The following AZGP1 variants were observed in gnomAD, a reference collection of about 807,000 sequenced individuals.
AZGP1 encodes the protein zinc-alpha-2-glycoprotein.
AZGP1 carries 28 observed loss-of-function variants against 31.5 expected under a neutral mutation model. The ratio of observed to expected loss-of-function variants is 0.89; its 90% CI spans 0.66 to 1.22. The LOEUF (loss-of-function observed/expected upper bound fraction) is 1.22, where lower values mean the gene tolerates loss of function less well. AZGP1 is among the 50% of genes most tolerant of loss of function. The probability of loss-of-function intolerance (pLI) is 0.00; values close to 1 mark genes in which losing one functional copy is unlikely to be tolerated. For missense variants in AZGP1, 361 were observed against 371.8 expected (o/e 0.97, Z 0.24); for synonymous variants, 135 against 145.4 (o/e 0.93, Z 0.51).
At chr7:99,968,573 TAGGTTA>T in intron 2 of AZGP1, 143 bp from the exon 3 acceptor site, 1 of 1,041,966 alleles carries the variant, frequency 9.6e-7, no homozygotes, top group Non-Finnish European at 1.4e-6. Flanking sequence ...TCAAGACAAA[TAGGTTA>T]TTACTCCAAT....
At chr7:99,975,895 C>T in intron 1 of AZGP1, 50 bp downstream of exon 1, 3 of 1,599,692 alleles carry the variant, frequency 1.9e-6, no homozygotes, top group Non-Finnish European at 2.6e-6. Context: ...TCCTGTTCCT[C>T]ACCTCCTTCC....
Position 99,971,775 on chromosome 7 carries a change from T to G in AZGP1, c.308A>C (p.Asp103Ala). Residue 103 changes from aspartate to alanine, a missense_variant, in exon 2 of 4, where the codon GAC (aspartate) becomes GCC (alanine). Physicochemically the swap from Asp to Ala is moderately radical, Grantham distance 126. Transcript: ENST00000292401. ...REDIFMETLK[D>A]IVEYYNDSNG... ...ACTGTCGTTGTAATACTCCACGATGTCTTTCAGGGTCTCCATAAAGATGTC... is the reference window on the plus strand; with the variant it reads ...ACTGTCGTTGTAATACTCCACGATGGCTTTCAGGGTCTCCATAAAGATGTC... 1.9e-6 allele frequency: 3 copies of G among 1,614,058 alleles called. No individual in the cohort carries two copies. Among genetic ancestry groups the G allele is most frequent in the Non-Finnish European group, 2.5e-6 (3 of 1,179,994 alleles).
intron 1 of AZGP1, among the ~76,000 whole-genome samples, chr7:99,973,421 C>T (rs189717966): frequency 4.7e-4 from 72 of 152,128 alleles, no homozygotes; most frequent in African/African-American, 1.6e-3. Flanking sequence ...TATTCTTGCT[C>T]CTGAGTGTCT....
intron 1 of AZGP1, among the ~76,000 whole-genome samples, chr7:99,973,404 C>T (rs1031414915): frequency 2.0e-5 from 3 of 152,068 alleles, no homozygotes; most frequent in Admixed American, 6.6e-5. Flanking sequence ...AGTTCAATTA[C>T]TAAAATTATT....
intron 1 of AZGP1, among the ~76,000 whole-genome samples, chr7:99,975,302 T>A (rs1232692770): frequency 6.6e-6 from 1 of 151,762 alleles, no homozygotes; most frequent in East Asian, 1.9e-4. Context: ...TTTGTAAATG[T>A]CATGAATTTT....
chr7:99,968,533 T>G, intron 2 of AZGP1, 103 bp from the exon 3 acceptor site: 1 of 1,436,292 alleles, frequency 7.0e-7, no homozygotes, highest in Non-Finnish European at 9.5e-7. Flanking sequence ...GAAATAAAGG[T>G]TTTTGCAATT....
In AZGP1 at chr7:99,971,771, G is replaced by A. The variant is rs4215; in HGVS notation, c.312C>T (p.Ile104=). ...EDIFMETLKD[I]VEYYNDSNGS... Reference sequence around the variant, plus strand: ...CGTTACTGTCGTTGTAATACTCCACGATGTCTTTCAGGGTCTCCATAAAGA... The same window carrying A: ...CGTTACTGTCGTTGTAATACTCCACAATGTCTTTCAGGGTCTCCATAAAGA... The change falls in exon 2 of 4, where the codon ATC becomes ATT. Residue 104 remains isoleucine, a synonymous_variant. Transcript: ENST00000292401. The A allele has an allele frequency of 0.39, 630,455 of 1,613,272 alleles. 128,272 individuals carry two copies. The highest frequency in any genetic ancestry group is 0.64 in the East Asian group (28,631 of 44,844).
chr7:99,968,687 G>A (rs1193759664), intron 2 of AZGP1: 6 of 502,130 alleles, frequency 1.2e-5, no homozygotes, highest in Non-Finnish European at 2.1e-5. Context: ...TACAGCCTGG[G>A]CGCTGTGGCT....
At chr7:99,972,990 G>C (rs961821004) in intron 1 of AZGP1, among the ~76,000 whole-genome samples, 1 of 152,028 alleles carries the variant, frequency 6.6e-6, no homozygotes, top group Non-Finnish European at 1.5e-5. Flanking sequence ...GGTGGCGGGT[G>C]CCTGTAGTCC....
intron 2 of AZGP1, among the ~76,000 whole-genome samples, chr7:99,971,364 G>C (rs149834627): frequency 6.6e-6 from 1 of 152,216 alleles, no homozygotes; most frequent in African/African-American, 2.4e-5. Context: ...GTGAGCCCAG[G>C]TCTGAGTGAC....
In AZGP1 at chr7:99,971,793, A is replaced by T; in HGVS notation, c.290T>A (p.Phe97Tyr). Residue 97 changes from phenylalanine (F) to tyrosine (Y), a missense_variant, in exon 2 of 4, where the codon TTT becomes TAT. Coordinates refer to ENST00000292401, the MANE Select transcript of AZGP1 (RefSeq NM_001185.4). ...CACGATGTCTTTCAGGGTCTCCATAAAGATGTCCTCCCTGGCCTTCTGAAG... is the reference window on the plus strand; with the variant it reads ...CACGATGTCTTTCAGGGTCTCCATATAGATGTCCTCCCTGGCCTTCTGAAG... ...SQLQKAREDI[F>Y]METLKDIVEY... The T allele has an allele frequency of 6.2e-7, 1 of 1,613,932 alleles. No homozygotes were observed. Among genetic ancestry groups the T allele is most frequent in the Non-Finnish European group, 8.5e-7 (1 of 1,179,954 alleles).
chr7:99,967,371 C>A, intron 3 of AZGP1, 85 bp from the exon 4 acceptor site: 1 of 1,437,162 alleles, frequency 7.0e-7, no homozygotes, highest in Non-Finnish European at 9.4e-7. Flanking sequence ...CCCTGGATGT[C>A]AGCGATCAGC....
intron 1 of AZGP1, among the ~76,000 whole-genome samples, chr7:99,972,732 T>C (rs2115687201): frequency 6.6e-6 from 1 of 152,232 alleles, no homozygotes; most frequent in Non-Finnish European, 1.5e-5. Context: ...GAAAATCACT[T>C]GAACCAGAGA....
chr7:99,971,550 G>C (rs1789577464), intron 2 of AZGP1, 196 bp downstream of exon 2: 8 of 649,746 alleles, frequency 1.2e-5, no homozygotes, highest in South Asian at 2.0e-5. Context: ...GATGAGGATG[G>C]GGCAATTGAT....
rs1286463865 is a variant in AZGP1, at chr7:99,967,388, C to G, written c.614-102G>C. On this transcript the variant is annotated intron_variant, in intron 3 of 3. Transcript: ENST00000292401. Reference sequence around the variant, plus strand: ...CTGGATGTCAGCGATCAGCAGAGCTCGAAGCTCTGTACCTGCCCACCCCCA... The same window carrying G: ...CTGGATGTCAGCGATCAGCAGAGCTGGAAGCTCTGTACCTGCCCACCCCCA... 2.2e-6 allele frequency: 3 copies of G among 1,342,382 alleles called. No homozygotes were observed. The African/African-American group carries it at 4.4e-5, about 20-fold the overall frequency. 83.2% of individuals were successfully genotyped at this position (1,342,382 alleles called of 1,614,324 possible). A position where few individuals can be genotyped will look rare whatever the true frequency, so the allele number is the denominator to read the frequency against.
chr7:99,968,197 G>C lies in AZGP1; in HGVS notation c.571C>G (p.Arg191Gly), dbSNP rs370476332. 7 of 1,613,810 alleles carry C rather than the reference G, an allele frequency of 4.3e-6. No homozygotes were observed. The highest frequency in any genetic ancestry group is 5.9e-6 in the Non-Finnish European group (7 of 1,179,998). The change falls in exon 3 of 4, where the codon CGG (arginine) becomes GGG (glycine). Residue 191 changes from arginine to glycine, a missense_variant. Arg to Gly is a moderately radical substitution (Grantham distance 125). Transcript: ENST00000292401. Reference sequence around the variant, plus strand: ...TTTTTGCTGTATTTCAGGTATTTCCGCAGAGTCGCAGGGCACTCCTCCTCC... The same window carrying C: ...TTTTTGCTGTATTTCAGGTATTTCCCCAGAGTCGCAGGGCACTCCTCCTCC... The part of the protein sequence containing the change: ...YLEEECPATL[R>G]KYLKYSKNIL...
At chr7:99,969,324 G>A (rs534232037) in intron 2 of AZGP1, among the ~76,000 whole-genome samples, 3 of 151,398 alleles carry the variant, frequency 2.0e-5, no homozygotes, top group South Asian at 2.1e-4. Flanking sequence ...CAGGAGAATC[G>A]CTTGAACCTG....
In AZGP1 at chr7:99,966,839, C is replaced by T; in HGVS notation, c.*164G>A. 2 of 1,063,824 alleles carry T rather than the reference C, an allele frequency of 1.9e-6. No individual in the cohort carries two copies. The allele number at this position is 1,063,824 out of a possible 1,614,324, so 65.9% of individuals were successfully genotyped here. On this transcript the variant is annotated 3_prime_UTR_variant, in exon 4 of 4. Coordinates refer to ENST00000292401, the MANE Select transcript of AZGP1 (RefSeq NM_001185.4). ...TGGGTCCAAGTCTACTCAAGACAGG[C>T]ATCCCAGTCTTCGGTCTCCAAATCC...
At position 99,968,283 on chromosome 7, in the gene AZGP1, T is replaced by A; in HGVS notation, c.485A>T (p.Gln162Leu). ...PAWVPFDPAA[Q>L]ITKQKWEAEP... is the part of the protein sequence containing the mutation. Reference sequence around the variant, plus strand: ...TGCCTCCCACTTCTGCTTGGTTATCTGGGCTGCTGGGTCGAAGGGGACCCA... The same window carrying A: ...TGCCTCCCACTTCTGCTTGGTTATCAGGGCTGCTGGGTCGAAGGGGACCCA... Residue 162 changes from glutamine to leucine, a missense_variant, in exon 3 of 4, where the codon CAG becomes CTG. Coordinates refer to ENST00000292401, the MANE Select transcript of AZGP1 (RefSeq NM_001185.4). 6.2e-7 allele frequency: 1 copy of A among 1,613,842 alleles called. No individual in the cohort carries two copies.
Sources: allele counts gnomAD v4.1 joint callset (sites outside exome capture counted in the v4.1 genomes callset), GRCh38; gene constraint gnomAD v4.1.1; transcripts MANE v1.5; gene names NCBI Gene and HGNC (gene_info 2026-07-23, HGNC 2026-07-21).